FAM117A: variants seen among roughly 807,000 people sequenced by gnomAD.
FAM117A encodes protein FAM117A.
In FAM117A, 21 loss-of-function variants were observed where a neutral mutation model predicts 44.1. That is an observed-to-expected ratio of 0.48 (90% CI 0.34 to 0.69). The LOEUF is 0.69. Ranked by LOEUF, FAM117A falls within the 30% of genes least tolerant of loss-of-function variation. The pLI is 0.01. For synonymous variants in FAM117A, 220 were observed against 238.3 expected (o/e 0.92, Z 0.71); for missense variants, 498 against 589.9 (o/e 0.84, Z 1.61).
chr17:49,711,144 CT>C lies in FAM117A; in HGVS notation c.*110del. 9.2e-7 allele frequency: 1 copy of C among 1,088,300 alleles called. No individual in the cohort carries two copies. The allele number at this position is 1,088,300 out of a possible 1,614,324, so 67.4% of individuals were successfully genotyped here. A position where few individuals can be genotyped will look rare whatever the true frequency, so the allele number is the denominator to read the frequency against. On this transcript the variant is annotated 3_prime_UTR_variant, in exon 8 of 8. Coordinates refer to ENST00000240364, the MANE Select transcript of FAM117A (RefSeq NM_030802.4). ...TTGACACAGTAAGTGAAAGAAAGTG[CT>C]CGAAGGCCGAGAGGGAAGGGCCCCT... is the stretch of plus-strand genomic sequence containing the variant.
chr17:49,770,572 T>G (rs370000794), intron 1 of FAM117A, among the ~76,000 whole-genome samples: 1 of 152,166 alleles, frequency 6.6e-6, no homozygotes, highest in South Asian at 2.1e-4. Context: ...TATGCTAGAA[T>G]GTTGTGATGG....
chr17:49,768,883 G>A (rs772254860), upstream of FAM117A, among the ~76,000 whole-genome samples: 4 of 152,174 alleles, frequency 2.6e-5, no homozygotes, highest in Non-Finnish European at 5.9e-5. Flanking sequence ...ACGACATGCT[G>A]TCTTCTTAGC....
At chr17:49,720,197 A>T (rs754067852) in intron 4 of FAM117A, 129 bp downstream of exon 4, 1 of 761,152 alleles carries the variant, frequency 1.3e-6, no homozygotes. Flanking sequence ...CCAAGTTTGG[A>T]CTAAAACTTC....
At chr17:49,755,127 G>C (rs1024987495) in intron 1 of FAM117A, among the ~76,000 whole-genome samples, 9 of 151,972 alleles carry the variant, frequency 5.9e-5, no homozygotes, top group African/African-American at 2.2e-4. Context: ...AGACTCTGTG[G>C]ACAACAGTGT....
chr17:49,732,930 C>T (rs2073592805), intron 1 of FAM117A: 2 of 565,718 alleles, frequency 3.5e-6, no homozygotes, highest in South Asian at 2.2e-5. Flanking sequence ...TCATGGGAAA[C>T]AATTTATACC....
upstream of FAM117A, among the ~76,000 whole-genome samples, chr17:49,764,699 A>G (rs2073739743): frequency 6.6e-6 from 1 of 152,240 alleles, no homozygotes; most frequent in Non-Finnish European, 1.5e-5. Context: ...GCTCCAAACT[A>G]AGATCCTACA....
intron 2 of FAM117A, chr17:49,724,622 C>T (rs2073551014): frequency 2.6e-6 from 1 of 388,974 alleles, no homozygotes; most frequent in African/African-American, 2.1e-5. Context: ...CACTTGAGGT[C>T]AAGAGTTCAA....
At chr17:49,762,249 AG>A (rs2073725082) in intron 1 of FAM117A, among the ~76,000 whole-genome samples, 1 of 152,168 alleles carries the variant, frequency 6.6e-6, no homozygotes, top group African/African-American at 2.4e-5. Context: ...TTCCACTAAA[AG>A]TGACTAAGGT....
chr17:49,782,040 T>C (rs1043382429), intron 1 of FAM117A, among the ~76,000 whole-genome samples: 3 of 151,804 alleles, frequency 2.0e-5, no homozygotes, highest in Non-Finnish European at 4.4e-5. Flanking sequence ...GCACATAAAA[T>C]GTATGCATGA....
At chr17:49,742,157 C>T (rs1428670193) in intron 1 of FAM117A, among the ~76,000 whole-genome samples, 1 of 152,150 alleles carries the variant, frequency 6.6e-6, no homozygotes, top group East Asian at 1.9e-4. Context: ...GATATTTGTA[C>T]ACACATGAAA....
At chr17:49,786,901 T>G (rs1267672134) in intron 1 of FAM117A, among the ~76,000 whole-genome samples, 2 of 150,864 alleles carry the variant, frequency 1.3e-5, no homozygotes, top group Non-Finnish European at 2.9e-5. Context: ...CTGGGCAGCA[T>G]GGTGAAACTC....
chr17:49,779,248 G>T (rs2077688), intron 1 of FAM117A, among the ~76,000 whole-genome samples: 3 of 152,222 alleles, frequency 2.0e-5, no homozygotes, highest in African/African-American at 7.2e-5. Context: ...CACATGGAAT[G>T]AAGGTCTTTA....
chr17:49,735,641 T>C (rs1377335720), intron 1 of FAM117A, among the ~76,000 whole-genome samples: 1 of 152,210 alleles, frequency 6.6e-6, no homozygotes, highest in African/African-American at 2.4e-5. Flanking sequence ...CTTTTCTTTT[T>C]ATTTTTTGAG....
At chr17:49,734,802 C>T (rs1189011487) in intron 1 of FAM117A, among the ~76,000 whole-genome samples, 1 of 152,006 alleles carries the variant, frequency 6.6e-6, no homozygotes, top group African/African-American at 2.4e-5. Flanking sequence ...AATGGAGAAA[C>T]GGATAAACAA....
rs564365907 is a variant in FAM117A at position 49,727,884 on chromosome 17, C to T, written c.366+4667G>A. Among the ~76,000 whole-genome samples the T allele has an allele frequency of 4.6e-5, 7 of 152,324 alleles. No homozygotes were observed. In the South Asian group the frequency reaches 8.3e-4, roughly 18 times the overall value. On this transcript the variant is annotated intron_variant, in intron 2 of 7. Transcript: ENST00000240364. ...GGGAACGTAACCCACTATCCCTGCACGGGACTGTCAAGCAGCATGGTGCCT... is the reference window on the plus strand; with the variant it reads ...GGGAACGTAACCCACTATCCCTGCATGGGACTGTCAAGCAGCATGGTGCCT...
intron 1 of FAM117A, among the ~76,000 whole-genome samples, chr17:49,759,255 A>G (rs1370625622): frequency 6.6e-6 from 1 of 152,202 alleles, no homozygotes; most frequent in African/African-American, 2.4e-5. Context: ...GAACACATGG[A>G]CTCACACTCC....
At position 49,711,230 on chromosome 17, in the gene FAM117A, G is replaced by A. The variant is rs1430393881; in HGVS notation, c.*25C>T. The A allele has an allele frequency of 1.9e-6, 3 of 1,567,056 alleles. No homozygotes were observed. The highest frequency in any genetic ancestry group is 2.7e-5 in the African/African-American group (2 of 73,528). The stretch of plus-strand genomic sequence containing the variant: ...TGCCACCAAGGCACTGGTCTCTATG[G>A]TAAAGTGGGGCAGGGGTGGGACCCT... On this transcript the variant is annotated 3_prime_UTR_variant, in exon 8 of 8. Transcript: ENST00000240364.
intron 1 of FAM117A, among the ~76,000 whole-genome samples, chr17:49,738,569 C>T (rs947373521): frequency 1.3e-5 from 2 of 152,162 alleles, no homozygotes; most frequent in African/African-American, 4.8e-5. Context: ...GTTTCTTTTC[C>T]TTAAATGAAG....
intron 1 of FAM117A, among the ~76,000 whole-genome samples, chr17:49,785,447 G>A (rs1465574793): frequency 6.6e-6 from 1 of 152,180 alleles, no homozygotes; most frequent in Non-Finnish European, 1.5e-5. Flanking sequence ...GGAGATCAAG[G>A]TTGCAGTGAG....
Sources: allele counts gnomAD v4.1 joint callset (sites outside exome capture counted in the v4.1 genomes callset), GRCh38; gene constraint gnomAD v4.1.1; transcripts MANE v1.5; gene names NCBI Gene and HGNC (gene_info 2026-07-23, HGNC 2026-07-21).